Variants in RHOBTB1 observed in about 807,000 individuals in gnomAD.
The protein encoded by RHOBTB1 is Rho related BTB domain containing 1.
In RHOBTB1, 40 loss-of-function variants were observed where a neutral mutation model predicts 71.6. The ratio of observed to expected loss-of-function variants is 0.56; its 90% CI spans 0.43 to 0.73. The LOEUF (loss-of-function observed/expected upper bound fraction) is 0.73, where lower values mean the gene tolerates loss of function less well. Ranked by LOEUF, RHOBTB1 falls within the 30% of genes least tolerant of loss-of-function variation. The pLI is 0.00. For missense variants in RHOBTB1, 797 were observed against 894.0 expected (o/e 0.89, Z 1.38); for synonymous variants, 319 against 334.9 (o/e 0.95, Z 0.52).
the RHOBTB1 span, among the ~76,000 whole-genome samples, chr10:60,860,865 G>A: frequency 6.6e-6 from 1 of 152,076 alleles, no homozygotes; most frequent in Non-Finnish European, 1.5e-5. Context: ...ATTAATTTGG[G>A]TATGTTCATT....
chr10:60,994,711 ATGCT>A (rs1301393042), intron 1 of RHOBTB1, among the ~76,000 whole-genome samples: 1 of 152,058 alleles, frequency 6.6e-6, no homozygotes, highest in African/African-American at 2.4e-5. Context: ...ACTGTGGGAG[ATGCT>A]CTCCAGGTGC....
downstream of RHOBTB1, among the ~76,000 whole-genome samples, chr10:60,867,670 A>G (rs902308511): frequency 3.3e-5 from 5 of 152,234 alleles, no homozygotes; most frequent in Non-Finnish European, 7.3e-5. Context: ...GAGCACCTGT[A>G]TGTTAGCCCA....
intron 7 of RHOBTB1, among the ~76,000 whole-genome samples, chr10:60,880,593 A>T (rs2081286602): frequency 6.6e-6 from 1 of 152,206 alleles, no homozygotes; most frequent in Non-Finnish European, 1.5e-5. Flanking sequence ...ACGATTTGAC[A>T]AGCATGATCA....
intron 2 of RHOBTB1, among the ~76,000 whole-genome samples, chr10:60,982,494 G>C (rs1012377754): frequency 1.3e-5 from 2 of 152,080 alleles, no homozygotes; most frequent in Non-Finnish European, 2.9e-5. Context: ...CATTGATTTT[G>C]TTGGCCAGAT....
At chr10:60,862,885 C>T in the RHOBTB1 span, among the ~76,000 whole-genome samples, 2 of 128,346 alleles carry the variant, frequency 1.6e-5, no homozygotes, top group East Asian at 2.8e-4. Context: ...TCCCTCCTTC[C>T]TTCCCTCCTC....
At chr10:60,898,125 C>G (rs2082247798) in intron 4 of RHOBTB1, among the ~76,000 whole-genome samples, 1 of 152,094 alleles carries the variant, frequency 6.6e-6, no homozygotes, top group African/African-American at 2.4e-5. Flanking sequence ...ACTATTATTA[C>G]TTATTTTTTT....
At chr10:60,949,161 T>C (rs574060483), upstream of RHOBTB1, among the ~76,000 whole-genome samples, 28 of 152,298 alleles carry the variant, frequency 1.8e-4, no homozygotes, top group African/African-American at 6.5e-4. Flanking sequence ...AAATACCTTA[T>C]TGCGTTCAGT....
Position 60,910,895 on chromosome 10 carries a change from T to A in RHOBTB1, c.288A>T (p.Ala96=). 1 of 1,613,364 alleles carries A rather than the reference T, an allele frequency of 6.2e-7. No homozygotes were observed. The highest frequency in any genetic ancestry group is 8.5e-7 in the Non-Finnish European group (1 of 1,179,262). Residue 96 remains alanine, a synonymous_variant, in exon 4 of 11, where the codon GCA becomes GCT. Transcript: ENST00000337910. ...FGDHHKDRRF[A]YGRSDVVVLC... ...TACTAGTCTTGGTTTACCTGCCATA[T>A]GCAAAGCGTCTGTCTTTGTGATGAT... is the stretch of plus-strand genomic sequence containing the variant.
chr10:60,939,385 A>G (rs1248159230), intron 2 of RHOBTB1, among the ~76,000 whole-genome samples: 1 of 151,992 alleles, frequency 6.6e-6, no homozygotes, highest in Non-Finnish European at 1.5e-5. Flanking sequence ...TTGTTTACAA[A>G]CTAAAAATAA....
At chr10:60,945,309 A>T (rs781203691), upstream of RHOBTB1, among the ~76,000 whole-genome samples, 4 of 152,172 alleles carry the variant, frequency 2.6e-5, no homozygotes, top group African/African-American at 9.7e-5. Flanking sequence ...ACCTTTATTG[A>T]GTAGGCTGTG....
chr10:60,904,055 C>T (rs554707766), intron 4 of RHOBTB1, among the ~76,000 whole-genome samples: 32 of 152,082 alleles, frequency 2.1e-4, no homozygotes, highest in African/African-American at 7.7e-4. Context: ...CACCACCTCC[C>T]ACACTCAGGT....
At chr10:60,986,323 ATTAT>A (rs2086657954) in intron 1 of RHOBTB1, among the ~76,000 whole-genome samples, 1 of 150,750 alleles carries the variant, frequency 6.6e-6, no homozygotes, top group Non-Finnish European at 1.5e-5. Flanking sequence ...TAACAGTAAA[ATTAT>A]TTATTTATGC....
intron 2 of RHOBTB1, among the ~76,000 whole-genome samples, chr10:60,977,822 T>C (rs914131556): frequency 1.3e-5 from 2 of 152,144 alleles, no homozygotes; most frequent in Non-Finnish European, 2.9e-5. Flanking sequence ...CTTTAAAACA[T>C]GCATATATAA....
intron 7 of RHOBTB1, among the ~76,000 whole-genome samples, chr10:60,881,258 T>C (rs1263569717): frequency 6.6e-6 from 1 of 152,198 alleles, no homozygotes; most frequent in Admixed American, 6.5e-5. Context: ...TCTTTATAAA[T>C]TACCCTATCT....
Position 60,937,072 on chromosome 10 carries a change from G to C in RHOBTB1, c.-11+4732C>G, listed in dbSNP as rs74411406. On this transcript the variant is annotated intron_variant, in intron 2 of 10. Coordinates refer to ENST00000337910, the MANE Select transcript of RHOBTB1 (RefSeq NM_014836.5). ...ATTATTACTAAAAAAGGAAGAACAG[G>C]TACAAGTATTTAAAAAAAATATCAA... Among the ~76,000 whole-genome samples, 1,491 of 152,248 alleles carry C rather than the reference G, an allele frequency of 9.8e-3. 16 individuals are homozygous for C. Among genetic ancestry groups the C allele is most frequent in the Non-Finnish European group, 0.014 (934 of 68,022 alleles).
chr10:60,903,653 G>A (rs578086416), intron 4 of RHOBTB1, among the ~76,000 whole-genome samples: 205 of 151,640 alleles, frequency 1.4e-3, no homozygotes, highest in African/African-American at 4.8e-3. Context: ...ACCACAGGCT[G>A]AGAAACAGGC....
intron 9 of RHOBTB1, among the ~76,000 whole-genome samples, chr10:60,874,725 C>A (rs559893325): frequency 1.3e-5 from 2 of 152,202 alleles, no homozygotes; most frequent in South Asian, 4.2e-4. Flanking sequence ...CCTTAGGGGA[C>A]AATGGGACTG....
At chr10:60,902,208 G>C (rs1030797908) in intron 4 of RHOBTB1, among the ~76,000 whole-genome samples, 3 of 152,188 alleles carry the variant, frequency 2.0e-5, no homozygotes, top group African/African-American at 7.2e-5. Flanking sequence ...TGTATCTTCT[G>C]TGCGCCAGAT....
At chr10:60,915,784 A>G (rs2083240216) in intron 2 of RHOBTB1, among the ~76,000 whole-genome samples, 1 of 152,086 alleles carries the variant, frequency 6.6e-6, no homozygotes, top group Admixed American at 6.5e-5. Flanking sequence ...TATTGCTGTC[A>G]TCTCCTGGAC....
Sources: allele counts gnomAD v4.1 joint callset (sites outside exome capture counted in the v4.1 genomes callset), GRCh38; gene constraint gnomAD v4.1.1; transcripts MANE v1.5; gene names NCBI Gene and HGNC (gene_info 2026-07-23, HGNC 2026-07-21).